The following STIM1 variants were observed in gnomAD, a reference collection of about 807,000 sequenced individuals.
STIM1 encodes stromal interaction molecule 1.
A neutral mutation model predicts 74.7 loss-of-function variants in STIM1; 25 were observed. The observed-to-expected ratio is 0.33, with a 90% CI of 0.24 to 0.47. The LOEUF is 0.47. Among genes scored for constraint, STIM1 ranks in the 20% least tolerant of loss-of-function variants. The pLI, the probability that STIM1 is intolerant of heterozygous loss-of-function variation, is 1.00. For missense variants in STIM1, 728 were observed against 920.8 expected (o/e 0.79, Z 2.71); for synonymous variants, 328 against 348.8 (o/e 0.94, Z 0.66).
At chr11:4,091,132 T>C in intron 12 of STIM1, 150 bp from the exon 13 acceptor site, 1 of 1,048,020 alleles carries the variant, frequency 9.5e-7, no homozygotes, top group Non-Finnish European at 1.5e-6. Context: ...CCCACCTGCC[T>C]GTTCATCCTA....
intron 5 of STIM1, 142 bp downstream of exon 5, chr11:4,059,538 G>A (rs1013224953): frequency 1.0e-5 from 7 of 676,408 alleles, no homozygotes; most frequent in Non-Finnish European, 1.8e-5. Flanking sequence ...ATTAAGGTAT[G>A]AAAGAGTCTT....
At chr11:3,935,076 A>G (rs998975640) in intron 1 of STIM1, among the ~76,000 whole-genome samples, 1 of 151,984 alleles carries the variant, frequency 6.6e-6, no homozygotes, top group Non-Finnish European at 1.5e-5. Context: ...GCAATGAGAC[A>G]CTCCCCTCAT....
intron 3 of STIM1, among the ~76,000 whole-genome samples, chr11:4,047,405 C>T (rs949401866): frequency 2.6e-5 from 4 of 152,096 alleles, no homozygotes; most frequent in African/African-American, 9.7e-5. Flanking sequence ...CACTTGAGGC[C>T]AGGAGTCTGA....
chr11:4,005,281 C>T (rs1013859502), intron 2 of STIM1, among the ~76,000 whole-genome samples: 6 of 152,128 alleles, frequency 3.9e-5, no homozygotes, highest in East Asian at 1.9e-4. Context: ...GACACATGCA[C>T]GCGTATGTTT....
In STIM1 at chr11:4,084,859, CG is replaced by C. The variant is rs1747217937; in HGVS notation, c.1567+95del. On this transcript the variant is annotated intron_variant, in intron 11 of 12. Transcript: ENST00000526596. ...TGGGTCCCTTCTCCTGCCTGCTTCA[CG>C]CCCCTGCCTGCTCCCTCTATCCCCT... 1.4e-5 allele frequency: 14 copies of C among 999,696 alleles called. No homozygotes were observed. In the South Asian group the frequency reaches 1.5e-4, roughly 11 times the overall value. The allele number at this position is 999,696 out of a possible 1,614,324, so 61.9% of individuals were successfully genotyped here.
intron 4 of STIM1, among the ~76,000 whole-genome samples, chr11:4,056,713 C>T (rs764142932): frequency 2.0e-5 from 3 of 152,228 alleles, no homozygotes; most frequent in Non-Finnish European, 2.9e-5. Context: ...CTCTTCTTCA[C>T]AGCTTCTCTC....
At chr11:4,077,723 G>T (rs1213369116) in intron 7 of STIM1, among the ~76,000 whole-genome samples, 4 of 151,770 alleles carry the variant, frequency 2.6e-5, no homozygotes, top group African/African-American at 9.7e-5. Context: ...TTTTCTCTCT[G>T]TGCTTTGGTT....
intron 1 of STIM1, among the ~76,000 whole-genome samples, chr11:3,862,292 G>A (rs2090644242): frequency 6.6e-6 from 1 of 152,078 alleles, no homozygotes; most frequent in Non-Finnish European, 1.5e-5. Context: ...GTTTATTTCG[G>A]AGAAGTGACT....
At chr11:4,006,630 T>G (rs568984153) in intron 2 of STIM1, among the ~76,000 whole-genome samples, 2 of 152,290 alleles carry the variant, frequency 1.3e-5, no homozygotes, top group Admixed American at 1.3e-4. Context: ...GCCAGGCTGG[T>G]CTTGAATTCC....
Position 4,070,166 on chromosome 11 carries a change from C to A in STIM1, c.754C>A (p.His252Asn), listed in dbSNP as rs2094395122. The A allele has an allele frequency of 6.2e-7, 1 of 1,614,018 alleles. No homozygotes were observed. The change falls in exon 6 of 13, where the codon CAC becomes AAC. Residue 252 changes from histidine to asparagine, a missense_variant. His to Asn is a moderately conservative substitution (Grantham distance 68, BLOSUM62 1). Around this residue, in one of 5 missense-constraint regions of STIM1, gnomAD observed 131 missense variants for 235.9 expected, o/e 0.56. Coordinates refer to ENST00000526596, the MANE Select transcript of STIM1 (RefSeq NM_001382567.1). ...KKMMKDLEGL[H>N]RAEQSLHDLQ... is the part of the protein sequence containing the mutation. ...GATGATGAAGGACTTGGAGGGGTTA[C>A]ACCGAGCTGAGCAGAGTCTGCATGA... is the stretch of plus-strand genomic sequence containing the variant.
At chr11:3,861,945 A>G (rs1363018855) in intron 1 of STIM1, among the ~76,000 whole-genome samples, 3 of 151,984 alleles carry the variant, frequency 2.0e-5, no homozygotes, top group South Asian at 2.1e-4. Context: ...TTTGATATAC[A>G]TTGCTGAGTG....
intron 1 of STIM1, among the ~76,000 whole-genome samples, chr11:3,871,026 C>G (rs2091071808): frequency 6.6e-6 from 1 of 151,972 alleles, no homozygotes; most frequent in Non-Finnish European, 1.5e-5. Context: ...GCGCCTGCCA[C>G]CACTCCCAAC....
chr11:4,087,822 G>A (rs1265121763), intron 12 of STIM1, among the ~76,000 whole-genome samples: 2 of 149,206 alleles, frequency 1.3e-5, no homozygotes, highest in Non-Finnish European at 3.0e-5. Context: ...TGACACTCAG[G>A]TTTATAGCTT....
intron 1 of STIM1, among the ~76,000 whole-genome samples, chr11:3,875,715 G>T (rs935235861): frequency 1.2e-4 from 15 of 127,402 alleles, no homozygotes; most frequent in Non-Finnish European, 2.6e-4. Context: ...GACAAAGTGA[G>T]ACCCTGTCTC....
At chr11:3,993,195 A>T (rs1590629473) in intron 2 of STIM1, among the ~76,000 whole-genome samples, 1 of 151,764 alleles carries the variant, frequency 6.6e-6, no homozygotes, top group East Asian at 1.9e-4. Context: ...ACTTATTCTG[A>T]TCTCCTCTCT....
At chr11:4,078,043 A>AT (rs1185019424) in intron 7 of STIM1, among the ~76,000 whole-genome samples, 7 of 152,006 alleles carry the variant, frequency 4.6e-5, no homozygotes, top group Admixed American at 6.6e-5. Flanking sequence ...TATTAGTCAT[A>AT]TTTTTTGCCA....
At chr11:4,057,869 CAAAAA>C in intron 4 of STIM1, among the ~76,000 whole-genome samples, 1 of 58,610 alleles carries the variant, frequency 1.7e-5, no homozygotes, top group Admixed American at 2.0e-4. Flanking sequence ...GACTCCGTCT[CAAAAA>C]AAAAAAAAAA....
intron 2 of STIM1, among the ~76,000 whole-genome samples, chr11:4,021,276 C>A (rs554279069): frequency 6.6e-6 from 1 of 152,272 alleles, no homozygotes; most frequent in Non-Finnish European, 1.5e-5. Context: ...CAGGCATGTG[C>A]CACCATGCCC....
At chr11:3,991,169 CTTTT>C (rs1246143538) in intron 2 of STIM1, among the ~76,000 whole-genome samples, 2 of 124,228 alleles carry the variant, frequency 1.6e-5, no homozygotes. Flanking sequence ...TCTTTCCTTT[CTTTT>C]TTTTTTTTTT....
Sources: gnomAD v4.1 joint callset for allele counts (sites outside exome capture counted in the v4.1 genomes callset) on GRCh38, gnomAD v4.1.1 for gene constraint, gnomAD v4.1.1 regional missense constraint, MANE v1.5 for transcripts, NCBI Gene and HGNC (gene_info 2026-07-23, HGNC 2026-07-21) for gene names.